Variants in PIAS1 observed in about 807,000 individuals in gnomAD.
PIAS1 encodes the protein protein inhibitor of activated STAT 1, also known as E3 SUMO-protein ligase PIAS1.
Under a neutral mutation model 71.3 loss-of-function variants are expected in PIAS1, and 6 were observed. The observed-to-expected ratio is 0.08, with a 90% confidence interval of 0.05 to 0.17. The LOEUF (loss-of-function observed/expected upper bound fraction) is 0.17. Ranked by LOEUF, PIAS1 falls within the 10% of genes least tolerant of loss-of-function variation. PIAS1 has a pLI of 1.00. For synonymous variants in PIAS1, 303 were observed against 292.9 expected, an observed-to-expected ratio of 1.03 and a Z score of -0.35; for missense variants, 555 against 793.6, an observed-to-expected ratio of 0.70 and a Z score of 3.61.
At chr15:68,126,384 G>A (rs1353369443) in intron 2 of PIAS1, among the ~76,000 whole-genome samples, 3 of 152,186 alleles carry the variant, frequency 2.0e-5, no homozygotes, top group South Asian at 4.1e-4. Flanking sequence ...TACCCTCCAA[G>A]AACTTTGTGT....
chr15:68,076,999 A>C (rs78701980), intron 1 of PIAS1, among the ~76,000 whole-genome samples: 3,305 of 152,322 alleles, frequency 0.022, 107 homozygotes, highest in African/African-American at 0.076. Context: ...GCTGAAAAAC[A>C]TGAAGTTTAA....
At chr15:68,077,042 A>C (rs887129433) in intron 1 of PIAS1, among the ~76,000 whole-genome samples, 1 of 152,192 alleles carries the variant, frequency 6.6e-6, no homozygotes, top group Non-Finnish European at 1.5e-5. Flanking sequence ...CTTTTAAATT[A>C]AAAAAATTGT....
intron 1 of PIAS1, among the ~76,000 whole-genome samples, chr15:68,057,039 G>A (rs1371865830): frequency 6.6e-6 from 1 of 152,100 alleles, no homozygotes; most frequent in Non-Finnish European, 1.5e-5. Flanking sequence ...TCATTTTGCT[G>A]TGGATTGTAT....
intron 8 of PIAS1, among the ~76,000 whole-genome samples, chr15:68,170,837 C>T (rs931277269): frequency 6.6e-6 from 1 of 152,066 alleles, no homozygotes; most frequent in Admixed American, 6.5e-5. Context: ...GACGGAGTTG[C>T]GCCATGTTGG....
Position 68,163,880 on chromosome 15 carries a change from A to G in PIAS1, c.935-851A>G, listed in dbSNP as rs77506151. ...TTCTAAAATTGTTGGAATATTACAT[A>G]TATGTATTTCCTGTCTCACCCCCTA... On this transcript the variant is annotated intron_variant, in intron 7 of 13. Transcript: ENST00000249636. 6.1e-3 allele frequency among the ~76,000 whole-genome samples: 926 copies of G among 152,234 alleles called. 4 individuals are homozygous for G. Among genetic ancestry groups the G allele is most frequent in the East Asian group, 0.032 (166 of 5,184 alleles).
intron 8 of PIAS1, among the ~76,000 whole-genome samples, chr15:68,168,145 A>T (rs879312635): frequency 3.3e-5 from 5 of 151,788 alleles, no homozygotes; most frequent in African/African-American, 4.8e-5. Flanking sequence ...AGTAGCTGGT[A>T]TTACAGGCGC....
intron 4 of PIAS1, 118 bp downstream of exon 4, chr15:68,142,455 T>C (rs1437747682): frequency 1.3e-6 from 1 of 780,094 alleles, no homozygotes; most frequent in African/African-American, 1.7e-5. Flanking sequence ...TAAAAGATAA[T>C]ATTCCTTATC....
chr15:68,154,144 G>T (rs775815968), intron 7 of PIAS1, among the ~76,000 whole-genome samples: 1 of 152,126 alleles, frequency 6.6e-6, no homozygotes, highest in Non-Finnish European at 1.5e-5. Context: ...GACAAGTAAC[G>T]CTGCTCCTGA....
Position 68,187,792 on chromosome 15 carries a change from C to T in PIAS1, c.1913C>T (p.Ala638Val). The change falls in exon 14 of 14, where the codon GCA becomes GTA. Residue 638 changes from alanine to valine, a missense_variant. This residue lies in a region of PIAS1 where 244 missense variants were observed against 307.5 expected (regional missense o/e 0.79). Transcript: ENST00000249636. This position sits in a 1 kb window ranked among gnomAD's most constrained non-coding sequence, Gnocchi z 5.3. The stretch of plus-strand genomic sequence containing the variant: ...ACAAACAGGAGCAGCACGGACACGG[C>T]ATCCATCTTTGGCATCATACCAGAC... ...TVTNRSSTDT[A>V]SIFGIIPDII... The T allele has an allele frequency of 6.2e-7, 1 of 1,613,924 alleles. No homozygotes were observed. The highest frequency in any genetic ancestry group is 8.5e-7 in the Non-Finnish European group (1 of 1,179,872).
chr15:68,073,439 C>A (rs1351055481), intron 1 of PIAS1, among the ~76,000 whole-genome samples: 1 of 152,178 alleles, frequency 6.6e-6, no homozygotes, highest in East Asian at 1.9e-4. Context: ...ATAGACAGAG[C>A]ATGTATTTTG....
intron 2 of PIAS1, among the ~76,000 whole-genome samples, chr15:68,114,905 T>G (rs2092552633): frequency 6.6e-6 from 1 of 152,106 alleles, no homozygotes; most frequent in Non-Finnish European, 1.5e-5. Context: ...TTCTGCTTAT[T>G]GTGGGCAGTT....
chr15:68,179,336 TA>T (rs2093038120), intron 11 of PIAS1, among the ~76,000 whole-genome samples: 1 of 152,208 alleles, frequency 6.6e-6, no homozygotes, highest in Non-Finnish European at 1.5e-5. Context: ...ACTAGCATTT[TA>T]AATCCTCTCT....
intron 12 of PIAS1, among the ~76,000 whole-genome samples, chr15:68,182,130 A>G (rs1357242406): frequency 6.6e-6 from 1 of 151,650 alleles, no homozygotes; most frequent in Non-Finnish European, 1.5e-5. Flanking sequence ...TTTTTTTTTA[A>G]TTTTGTGGGT....
At chr15:68,121,841 C>G (rs963168981) in intron 2 of PIAS1, among the ~76,000 whole-genome samples, 2 of 152,022 alleles carry the variant, frequency 1.3e-5, no homozygotes, top group Non-Finnish European at 2.9e-5. Flanking sequence ...TAAAAAACTT[C>G]AAGAGGCTGG....
At chr15:68,055,752 A>C in intron 1 of PIAS1, 1 of 531,282 alleles carries the variant, frequency 1.9e-6, no homozygotes, top group East Asian at 2.9e-5. Flanking sequence ...ATAATAAATA[A>C]AAATTATTTA....
At chr15:68,137,202 C>T (rs1388436930) in intron 2 of PIAS1, among the ~76,000 whole-genome samples, 2 of 152,104 alleles carry the variant, frequency 1.3e-5, no homozygotes, top group Non-Finnish European at 2.9e-5. Context: ...TAACCTGCCC[C>T]CCTTCCAAAA....
In PIAS1 at chr15:68,179,564, C is replaced by CTTTTTTTTTTTTTTTTT. The variant is rs766344324; in HGVS notation, c.1482-1636_1482-1620dup. On this transcript the variant is annotated intron_variant, in intron 11 of 13. Transcript: ENST00000249636. Reference sequence around the variant, plus strand: ...CAACCTTGTCATCTCGTGAAATGTTCTTTTTTTTTTTTTTTTTTTTTTTTT... The same window carrying CTTTTTTTTTTTTTTTTT: ...CAACCTTGTCATCTCGTGAAATGTTCTTTTTTTTTTTTTTTTTTTTTTTTTTTTTTTTTTTTTTTTTT... 5.2e-3 allele frequency among the ~76,000 whole-genome samples: 210 copies of CTTTTTTTTTTTTTTTTT among 40,096 alleles called. 66 individuals carry two copies. The highest frequency in any genetic ancestry group is 0.014 in the South Asian group (9 of 648). The allele number at this position is 40,096 out of a possible 152,430, so 26.3% of individuals were successfully genotyped here. A position where few individuals can be genotyped will look rare whatever the true frequency, so the allele number is the denominator to read the frequency against.
At chr15:68,113,896 AT>A (rs1443651270) in intron 2 of PIAS1, among the ~76,000 whole-genome samples, 1 of 151,972 alleles carries the variant, frequency 6.6e-6, no homozygotes, top group Non-Finnish European at 1.5e-5. Context: ...TTCATGTGTA[AT>A]TTTTGTTGTA....
At chr15:68,095,172 G>T (rs2092363191) in intron 2 of PIAS1, among the ~76,000 whole-genome samples, 2 of 152,238 alleles carry the variant, frequency 1.3e-5, no homozygotes, top group South Asian at 4.1e-4. Flanking sequence ...TCAGAAGTAA[G>T]TACAGTTTAT....
Sources: allele counts gnomAD v4.1 joint callset (sites outside exome capture counted in the v4.1 genomes callset), GRCh38; gene constraint gnomAD v4.1.1; regional missense constraint gnomAD v4.1.1; non-coding constraint Gnocchi (gnomAD v3.1); transcripts MANE v1.5; gene names NCBI Gene and HGNC (gene_info 2026-07-23, HGNC 2026-07-21).